The following DST variants were observed in gnomAD, a reference collection of about 807,000 sequenced individuals.
The protein encoded by DST is bullous pemphigoid antigen.
A neutral mutation model predicts 875.2 loss-of-function variants in DST; 253 were observed. The observed-to-expected ratio is 0.29, with a 90% CI of 0.26 to 0.32. The LOEUF (loss-of-function observed/expected upper bound fraction) is 0.32. Among genes scored for constraint, DST ranks in the 10% least tolerant of loss-of-function variants. The pLI is 1.00. For synonymous variants in DST, 3,124 were observed against 3,197.1 expected (o/e 0.98, Z 0.77); for missense variants, 8,287 against 9,111.6 (o/e 0.91, Z 3.68).
intron 4 of DST, among the ~76,000 whole-genome samples, chr6:56,788,165 G>A (rs1590377374): frequency 7.4e-6 from 1 of 134,352 alleles, no homozygotes; most frequent in African/African-American, 2.8e-5. Flanking sequence ...ATCAGACTCT[G>A]AAAACATTTA....
chr6:56,468,379 C>T (rs1207767505), intron 98 of DST, among the ~76,000 whole-genome samples: 5 of 152,100 alleles, frequency 3.3e-5, no homozygotes, highest in African/African-American at 4.8e-5. Context: ...TATATTATAG[C>T]GATAACTTTC....
intron 34 of DST, among the ~76,000 whole-genome samples, chr6:56,626,333 C>A (rs908210004): frequency 4.6e-5 from 7 of 152,116 alleles, no homozygotes; most frequent in African/African-American, 1.7e-4. Context: ...ATGGTAGGTG[C>A]TCTATACAAG....
intron 2 of DST, among the ~76,000 whole-genome samples, chr6:56,906,711 G>C (rs1421781883): frequency 1.3e-5 from 2 of 152,102 alleles, no homozygotes; most frequent in Admixed American, 1.3e-4. Flanking sequence ...TCTCACTAGA[G>C]AGAGAGATGT....
intron 4 of DST, among the ~76,000 whole-genome samples, chr6:56,762,239 C>T (rs971374013): frequency 6.6e-6 from 1 of 152,174 alleles, no homozygotes; most frequent in Non-Finnish European, 1.5e-5. Flanking sequence ...TCAGGCTGGT[C>T]TCGAACTCCG....
At chr6:56,676,211 T>A (rs977099602) in intron 9 of DST, among the ~76,000 whole-genome samples, 1 of 152,152 alleles carries the variant, frequency 6.6e-6, no homozygotes, top group Non-Finnish European at 1.5e-5. Context: ...GCACTACAGG[T>A]GCCCACCACC....
intron 2 of DST, among the ~76,000 whole-genome samples, chr6:56,900,910 T>C (rs981327963): frequency 6.9e-6 from 1 of 144,936 alleles, no homozygotes; most frequent in Non-Finnish European, 1.5e-5. Context: ...AAAAAGCAGG[T>C]GGGCACACTG....
Position 56,679,103 on chromosome 6 carries a change from A to G in DST, c.1048-8296T>C, listed in dbSNP as rs187917175. ...ATTCCAGCTAACTTACGAGGGTTGAAGAAAATTATTTTTCTTCCTCTACAG... is the reference window on the plus strand; with the variant it reads ...ATTCCAGCTAACTTACGAGGGTTGAGGAAAATTATTTTTCTTCCTCTACAG... On this transcript the variant is annotated intron_variant, in intron 9 of 103. Transcript: ENST00000680361. Among the ~76,000 whole-genome samples, 527 of 149,856 alleles carry G rather than the reference A, an allele frequency of 3.5e-3. 3 individuals are homozygous for G. The highest frequency in any genetic ancestry group is 0.017 in the Middle Eastern group (5 of 294).
Position 56,620,649 on chromosome 6 carries a change from T to C in DST, c.4929+3881A>G, listed in dbSNP as rs1373421698. Reference sequence around the variant, plus strand: ...GTAAGTTTGCTATTCTCAAGCACTGTTGCCTTCTGACGCTGAAGCAGATCT... The same window carrying C: ...GTAAGTTTGCTATTCTCAAGCACTGCTGCCTTCTGACGCTGAAGCAGATCT... On this transcript the variant is annotated intron_variant, in intron 36 of 103. Coordinates refer to ENST00000680361, the MANE Select transcript of DST (RefSeq NM_001374736.1). The C allele has an allele frequency of 1.9e-6, 3 of 1,614,102 alleles. No homozygotes were observed. The highest frequency in any genetic ancestry group is 2.5e-6 in the Non-Finnish European group (3 of 1,180,060).
At chr6:56,726,459 C>A (rs1405696240) in intron 5 of DST, among the ~76,000 whole-genome samples, 1 of 152,190 alleles carries the variant, frequency 6.6e-6, no homozygotes, top group Non-Finnish European at 1.5e-5. Context: ...AACAGCAAAG[C>A]TAATTAGTAA....
intron 88 of DST, 157 bp downstream of exon 88, chr6:56,485,155 G>C (rs2095519884): frequency 1.3e-6 from 1 of 747,928 alleles, no homozygotes; most frequent in Admixed American, 3.1e-5. Flanking sequence ...TTTGCTTCCA[G>C]GTTCTGCTCA....
intron 4 of DST, among the ~76,000 whole-genome samples, chr6:56,799,986 C>T (rs921242179): frequency 6.6e-6 from 1 of 152,118 alleles, no homozygotes; most frequent in Non-Finnish European, 1.5e-5. Flanking sequence ...CTATTGCACA[C>T]TTAATAGACT....
intron 4 of DST, among the ~76,000 whole-genome samples, chr6:56,838,110 C>T (rs1270987334): frequency 6.6e-6 from 1 of 152,140 alleles, no homozygotes; most frequent in Non-Finnish European, 1.5e-5. Context: ...AGAGAGACTT[C>T]CATGAAACAG....
In DST at chr6:56,476,283, G is replaced by A. The variant is rs1294070269; in HGVS notation, c.21730C>T (p.Leu7244Phe). 1 of 1,608,042 alleles carries A rather than the reference G, an allele frequency of 6.2e-7. No homozygotes were observed. Among genetic ancestry groups the A allele is most frequent in the East Asian group, 2.2e-5 (1 of 44,774 alleles). The change falls in exon 92 of 104, where the codon CTT (leucine) becomes TTT (phenylalanine). Residue 7244 changes from leucine to phenylalanine, a missense_variant. Leu to Phe is a conservative substitution (Grantham distance 22). Transcript: ENST00000680361. Reference protein sequence around the residue: ...QQRLASALAGLIAKQELLEAL... With the variant: ...QQRLASALAGFIAKQELLEAL... The stretch of plus-strand genomic sequence containing the variant: ...TCCAACAATTCCTGTTTGGCAATAA[G>A]CCCAGCCAGAGCACTTGCTAATCTC...
At chr6:56,925,673 A>G (rs1216670689) in intron 2 of DST, among the ~76,000 whole-genome samples, 1 of 152,224 alleles carries the variant, frequency 6.6e-6, no homozygotes, top group African/African-American at 2.4e-5. Context: ...ATGGGAAAAC[A>G]TTCAAGCTAA....
chr6:56,522,088 C>T (rs776939758), intron 69 of DST, among the ~76,000 whole-genome samples: 8 of 152,102 alleles, frequency 5.3e-5, no homozygotes, highest in Non-Finnish European at 1.2e-4. Flanking sequence ...AAAGTTAGTG[C>T]AAGACATTTT....
chr6:56,916,803 C>T (rs1801331581), intron 2 of DST, among the ~76,000 whole-genome samples: 1 of 148,844 alleles, frequency 6.7e-6, no homozygotes, highest in African/African-American at 2.5e-5. Flanking sequence ...CACACACACA[C>T]ACACACACAC....
chr6:56,755,187 T>C (rs2099598737), intron 4 of DST, among the ~76,000 whole-genome samples: 2 of 150,706 alleles, frequency 1.3e-5, no homozygotes, highest in South Asian at 2.1e-4. Flanking sequence ...GTTGACTACA[T>C]GCAGAATAGG....
At chr6:56,674,145 A>G (rs1020914307) in intron 9 of DST, among the ~76,000 whole-genome samples, 1 of 152,186 alleles carries the variant, frequency 6.6e-6, no homozygotes, top group African/African-American at 2.4e-5. Flanking sequence ...AGATTCTAGA[A>G]AGTAATCAAG....
intron 3 of DST, among the ~76,000 whole-genome samples, chr6:56,892,187 T>C (rs1340443924): frequency 6.6e-6 from 1 of 152,222 alleles, no homozygotes; most frequent in East Asian, 1.9e-4. Flanking sequence ...CTGAAATGTA[T>C]GTTGGCCCCT....
Sources: gnomAD v4.1 joint callset for allele counts (sites outside exome capture counted in the v4.1 genomes callset) on GRCh38, gnomAD v4.1.1 for gene constraint, MANE v1.5 for transcripts, NCBI Gene and HGNC (gene_info 2026-07-23, HGNC 2026-07-21) for gene names.